The following CGREF1 variants were observed in gnomAD, a reference collection of about 807,000 sequenced individuals.
CGREF1 encodes the protein cell growth regulator with EF hand domain protein 1.
A neutral mutation model predicts 17.4 loss-of-function variants in CGREF1; 16 were observed. The ratio of observed to expected loss-of-function variants is 0.92; its 90% CI spans 0.62 to 1.40. CGREF1 has a LOEUF of 1.40. Among genes scored for constraint, CGREF1 ranks in the 40% most tolerant of loss-of-function variants. The pLI, the probability that CGREF1 is intolerant of heterozygous loss-of-function variation, is 0.00. For synonymous variants in CGREF1, 142 were observed against 154.6 expected (o/e 0.92, Z 0.61); for missense variants, 296 against 376.4 (o/e 0.79, Z 1.77).
rs369155217 is a variant in CGREF1 at position 27,104,418 on chromosome 2, G to C, written c.-11-41C>G. The C allele has an allele frequency of 1.4e-5, 23 of 1,604,764 alleles. No individual in the cohort carries two copies. In the South Asian group the frequency reaches 2.5e-4, roughly 17 times the overall value. On this transcript the variant is annotated intron_variant, in intron 1 of 5. Coordinates refer to ENST00000402394, the MANE Select transcript of CGREF1 (RefSeq NM_006569.6). ...GAATCAGGGGTCGGGGGAAAGAGGC[G>C]TCTGCCACCGTGTCACAGATGGGCT...
intron 2 of CGREF1, among the ~76,000 whole-genome samples, 167 bp downstream of exon 2, chr2:27,104,120 T>A (rs537974797): frequency 6.6e-6 from 1 of 152,312 alleles, no homozygotes; most frequent in East Asian, 1.9e-4. Context: ...ATGCCCACTT[T>A]GTGGCACTCT....
chr2:27,106,785 T>G (rs1671137464), intron 1 of CGREF1, among the ~76,000 whole-genome samples: 1 of 151,926 alleles, frequency 6.6e-6, no homozygotes, highest in South Asian at 2.1e-4. Context: ...CCCAGCTAAT[T>G]TTTTGTATTT....
chr2:27,116,925 T>TCTCTC (rs1671608225), intron 1 of CGREF1, among the ~76,000 whole-genome samples: 3 of 62,144 alleles, frequency 4.8e-5, no homozygotes, highest in East Asian at 4.5e-4. Flanking sequence ...CTCTCTCTCT[T>TCTCTC]TTTTTGAGAC....
At chr2:27,112,875 T>G (rs1232574239) in intron 1 of CGREF1, among the ~76,000 whole-genome samples, 1 of 152,178 alleles carries the variant, frequency 6.6e-6, no homozygotes, top group East Asian at 1.9e-4. Context: ...CTGAAGGAAT[T>G]GCCGCTAGTG....
chr2:27,099,761 C>T (rs759689060), downstream of CGREF1: 35 of 1,613,190 alleles, frequency 2.2e-5, no homozygotes, highest in East Asian at 3.6e-4. Context: ...GAGCAGGTGC[C>T]GGCTCCTCAC....
chr2:27,114,921 T>TGA (rs914749264), intron 1 of CGREF1, among the ~76,000 whole-genome samples: 7 of 152,290 alleles, frequency 4.6e-5, no homozygotes, highest in African/African-American at 1.7e-4. Context: ...TGTGTGTGTG[T>TGA]GACAGGGTCT....
chr2:27,118,306 T>C (rs992324767), intron 1 of CGREF1, among the ~76,000 whole-genome samples: 2 of 152,150 alleles, frequency 1.3e-5, no homozygotes, highest in Non-Finnish European at 2.9e-5. Context: ...AGAGTCGAAC[T>C]GTTGGGAAGC....
intron 1 of CGREF1, among the ~76,000 whole-genome samples, chr2:27,108,490 A>G (rs753923810): frequency 1.9e-4 from 29 of 152,192 alleles, no homozygotes; most frequent in Non-Finnish European, 3.4e-4. Context: ...AATAGCTGAC[A>G]TTTTTCCAGT....
rs955585494 is a variant in CGREF1, at chr2:27,101,773, C to A, written c.458G>T (p.Gly153Val). The A allele has an allele frequency of 6.2e-7, 1 of 1,614,218 alleles. No individual in the cohort carries two copies. The highest frequency in any genetic ancestry group is 1.7e-5 in the Admixed American group (1 of 60,024). ...PGVALRHVEPGEPLAPSPQEP... is the reference protein window; with the variant it reads ...PGVALRHVEPVEPLAPSPQEP... Reference sequence around the variant, plus strand: ...CTGAGGAGATGGAGCAAGGGGCTCTCCGGGCTCCACGTGCCTGAGGGCTAC... The same window carrying A: ...CTGAGGAGATGGAGCAAGGGGCTCTACGGGCTCCACGTGCCTGAGGGCTAC... The change falls in exon 6 of 6, where the codon GGA (glycine) becomes GTA (valine). Residue 153 changes from glycine (G) to valine (V), a missense_variant. Coordinates refer to ENST00000402394, the MANE Select transcript of CGREF1 (RefSeq NM_006569.6).
downstream of CGREF1, chr2:27,100,371 C>T: frequency 8.3e-7 from 1 of 1,211,270 alleles, no homozygotes; most frequent in Non-Finnish European, 1.1e-6. Flanking sequence ...ATACCTCCTC[C>T]CGCTGACTGC....
Position 27,101,282 on chromosome 2 carries a change from C to T in CGREF1, c.949G>A (p.Glu317Lys). 3.2e-6 allele frequency: 5 copies of T among 1,554,912 alleles called. No homozygotes were observed. Among genetic ancestry groups the T allele is most frequent in the South Asian group, 1.2e-5 (1 of 81,134 alleles). The stretch of plus-strand genomic sequence containing the variant: ...ACCTGTATCTTCAAGATCTAGATCT[C>T]ATCATTCTCCACTTGAACAATGTGC... ...EVHIVQVEND[E>K]I Residue 317 changes from glutamate (E) to lysine (K), a missense_variant, in exon 6 of 6, where the codon GAG becomes AAG. Physicochemically the swap from Glu to Lys is moderately conservative, Grantham distance 56 (BLOSUM62 1). Around this residue, in one of 3 missense-constraint regions of CGREF1, gnomAD observed 40 missense variants for 40.8 expected, o/e 0.98. Coordinates refer to ENST00000402394, the MANE Select transcript of CGREF1 (RefSeq NM_006569.6).
chr2:27,110,628 C>T (rs1477855345), intron 1 of CGREF1: 1 of 152,208 alleles, frequency 6.6e-6, no homozygotes, highest in Non-Finnish European at 1.5e-5. Context: ...AAACCTTTGG[C>T]AATTTCAATT....
chr2:27,116,924 T>TCTCTCTCTCTCTCTCTCTCTCTCTC (rs1558467022), intron 1 of CGREF1, among the ~76,000 whole-genome samples: 17 of 92,552 alleles, frequency 1.8e-4, no homozygotes, highest in Admixed American at 3.9e-4. Context: ...TCTCTCTCTC[T>TCTCTCTCTCTCTCTCTCTCTCTCTC]TTTTTTGAGA....
At chr2:27,108,791 T>C (rs981865661) in intron 1 of CGREF1, among the ~76,000 whole-genome samples, 9 of 152,224 alleles carry the variant, frequency 5.9e-5, no homozygotes, top group Non-Finnish European at 7.3e-5. Context: ...CAAAATTATC[T>C]TGCAGAATGA....
At chr2:27,103,802 G>A (rs1022656801) in intron 2 of CGREF1, among the ~76,000 whole-genome samples, 2 of 150,804 alleles carry the variant, frequency 1.3e-5, no homozygotes, top group African/African-American at 4.9e-5. Context: ...GGCCAACATG[G>A]TGAAACCCCA....
chr2:27,101,117 C>T lies in CGREF1; in HGVS notation c.*157G>A, dbSNP rs878934425. The T allele has an allele frequency of 8.6e-6, 12 of 1,401,234 alleles. No homozygotes were observed. In the Admixed American group the frequency reaches 2.6e-4, roughly 30 times the overall value. The allele number at this position is 1,401,234 out of a possible 1,614,324, so 86.8% of individuals were successfully genotyped here. A position where few individuals can be genotyped will look rare whatever the true frequency, so the allele number is the denominator to read the frequency against. On this transcript the variant is annotated 3_prime_UTR_variant, in exon 6 of 6. Coordinates refer to ENST00000402394, the MANE Select transcript of CGREF1 (RefSeq NM_006569.6). The stretch of plus-strand genomic sequence containing the variant: ...TCTTTATTGGTAATCTGCCCCTTAA[C>T]TTAGGGTCTCCCTGAGCTGCACAGA...
At chr2:27,099,971 C>T (rs1670707689), downstream of CGREF1, 4 of 965,080 alleles carry the variant, frequency 4.1e-6, no homozygotes, top group Middle Eastern at 3.1e-4. Context: ...TCAGAGCCAG[C>T]TTCTCCTCTC....
chr2:27,102,445 G>A lies in CGREF1; in HGVS notation c.147-15C>T. 6.2e-7 allele frequency: 1 copy of A among 1,613,932 alleles called. No homozygotes were observed. Among genetic ancestry groups the A allele is most frequent in the African/African-American group, 1.3e-5 (1 of 75,050 alleles). ...TCTGCAGAAGTCTGTCAGAAAAGTG[G>A]AGAATCAGCCCGGGAGAGGTGAGTC... On this transcript the variant is annotated splice_polypyrimidine_tract_variant and intron_variant, in intron 3 of 5. Coordinates refer to ENST00000402394, the MANE Select transcript of CGREF1 (RefSeq NM_006569.6).
At chr2:27,117,726 T>TTTTTTTG (rs1491112598) in intron 1 of CGREF1, among the ~76,000 whole-genome samples, 2 of 125,146 alleles carry the variant, frequency 1.6e-5, no homozygotes, top group East Asian at 2.2e-4. Context: ...TTTTTTTTTT[T>TTTTTTTG]GAGGCGGAGT....
Sources: gnomAD v4.1 joint callset for allele counts (sites outside exome capture counted in the v4.1 genomes callset) on GRCh38, gnomAD v4.1.1 for gene constraint, gnomAD v4.1.1 regional missense constraint, MANE v1.5 for transcripts, NCBI Gene and HGNC (gene_info 2026-07-23, HGNC 2026-07-21) for gene names.